NSD2: variants seen among roughly 807,000 people sequenced by gnomAD.
The protein encoded by NSD2 is histone-lysine N-methyltransferase NSD2.
In NSD2, 12 loss-of-function variants were observed where a neutral mutation model predicts 139.0. The observed-to-expected ratio is 0.09, with a 90% CI of 0.06 to 0.14. The LOEUF is 0.14. NSD2 is among the 10% of genes least tolerant of loss of function. NSD2 has a pLI of 1.00. For missense variants in NSD2, 1,155 were observed against 1,745.0 expected, an observed-to-expected ratio of 0.66 and a Z score of 6.02; for synonymous variants, 669 against 648.7, an observed-to-expected ratio of 1.03 and a Z score of -0.48.
intron 1 of NSD2, among the ~76,000 whole-genome samples, chr4:1,883,393 A>T (rs1283042166): frequency 1.3e-5 from 2 of 150,300 alleles, no homozygotes; most frequent in East Asian, 4.0e-4. Flanking sequence ...GCACTTTGGG[A>T]GGCTGAGGCA....
chr4:1,873,666 A>C (rs538706056), intron 1 of NSD2, among the ~76,000 whole-genome samples: 1 of 152,326 alleles, frequency 6.6e-6, no homozygotes, highest in Non-Finnish European at 1.5e-5. Flanking sequence ...AAAGTAATCA[A>C]ATCTTACAAA....
At chr4:1,883,674 C>T (rs533600548) in intron 1 of NSD2, among the ~76,000 whole-genome samples, 10 of 151,780 alleles carry the variant, frequency 6.6e-5, no homozygotes, top group Admixed American at 5.3e-4. Flanking sequence ...CTCTGCTGAT[C>T]CCACCTTGTT....
At chr4:1,872,587 TGTGTGAGAGAGAGAGAGA>T (rs1444918107) in intron 1 of NSD2, among the ~76,000 whole-genome samples, 11 of 50,086 alleles carry the variant, frequency 2.2e-4, no homozygotes, top group African/African-American at 5.9e-4. Flanking sequence ...TGTGTGTGTG[TGTGTGAGAGAGAGAGAGA>T]GAGAGAGAGA....
At chr4:1,883,263 G>A (rs1036178379) in intron 1 of NSD2, among the ~76,000 whole-genome samples, 2 of 152,088 alleles carry the variant, frequency 1.3e-5, no homozygotes, top group South Asian at 4.1e-4. Context: ...ATAAAAATTT[G>A]TGGACTTCCT....
At chr4:1,928,609 G>A (rs998284863) in intron 5 of NSD2, among the ~76,000 whole-genome samples, 22 of 150,592 alleles carry the variant, frequency 1.5e-4, no homozygotes, top group Admixed American at 3.9e-4. Flanking sequence ...CTTGTGAGGC[G>A]TGGTGGCTGT....
At chr4:1,964,276 G>A (rs1384316643) in intron 18 of NSD2, among the ~76,000 whole-genome samples, 1 of 152,182 alleles carries the variant, frequency 6.6e-6, no homozygotes, top group East Asian at 1.9e-4. Context: ...GAGTCATTGA[G>A]AGGATCCTGG....
intron 5 of NSD2, among the ~76,000 whole-genome samples, chr4:1,922,375 G>A (rs867605343): frequency 2.0e-5 from 3 of 152,166 alleles, no homozygotes; most frequent in South Asian, 4.1e-4. Flanking sequence ...TCAATATTAC[G>A]AAATATGCAT....
intron 6 of NSD2, 81 bp downstream of exon 6, chr4:1,930,851 T>C (rs1721549336): frequency 2.0e-6 from 3 of 1,493,282 alleles, no homozygotes; most frequent in Middle Eastern, 2.3e-4. Context: ...CTTGGAACCG[T>C]AGGGAAGTGT....
intron 18 of NSD2, among the ~76,000 whole-genome samples, chr4:1,963,278 G>GTT (rs1393978968): frequency 1.3e-5 from 2 of 152,074 alleles, no homozygotes; most frequent in Non-Finnish European, 2.9e-5. Context: ...AGGAGCTTGT[G>GTT]TTTTAACCCT....
At chr4:1,940,697 A>G in intron 9 of NSD2, 4 of 1,061,100 alleles carry the variant, frequency 3.8e-6, no homozygotes, top group Non-Finnish European at 4.6e-6. Flanking sequence ...TAGTGAGGCA[A>G]GGGTTGGACA....
In NSD2 at chr4:1,979,221, G is replaced by C. The variant is rs959414780; in HGVS notation, c.*312G>C. ...TCCCACTCTATTTTTTTAGGTTAAAGTTAATTGGCATATGGAATGTTTTAA... is the reference window on the plus strand; with the variant it reads ...TCCCACTCTATTTTTTTAGGTTAAACTTAATTGGCATATGGAATGTTTTAA... On this transcript the variant is annotated 3_prime_UTR_variant, in exon 22 of 22. Transcript: ENST00000508803. The C allele has an allele frequency of 9.3e-6, 3 of 322,156 alleles. No homozygotes were observed. The highest frequency in any genetic ancestry group is 6.3e-5 in the African/African-American group (3 of 47,524). 20.0% of individuals were successfully genotyped at this position (322,156 alleles called of 1,614,324 possible).
In NSD2 at chr4:1,981,467, G is replaced by A. The variant is rs941682775; in HGVS notation, c.*2558G>A. 20 of 241,416 alleles carry A rather than the reference G, an allele frequency of 8.3e-5. No homozygotes were observed. The highest frequency in any genetic ancestry group is 2.2e-4 in the African/African-American group (10 of 45,796). The allele number at this position is 241,416 out of a possible 1,614,324, so 15.0% of individuals were successfully genotyped here. A position where few individuals can be genotyped will look rare whatever the true frequency, so the allele number is the denominator to read the frequency against. ...TAATGTGAAGCAAAACACAAAAACC[G>A]CCCCAATCCCTCAGGATTCCTTGGC... On this transcript the variant is annotated 3_prime_UTR_variant, in exon 22 of 22. Coordinates refer to ENST00000508803, the MANE Select transcript of NSD2 (RefSeq NM_001042424.3).
chr4:1,878,249 A>G (rs549199410), intron 1 of NSD2, among the ~76,000 whole-genome samples: 2 of 34,930 alleles, frequency 5.7e-5, no homozygotes, highest in African/African-American at 2.8e-4. Context: ...ATATATATAT[A>G]TATTTTTTTT....
intron 18 of NSD2, among the ~76,000 whole-genome samples, chr4:1,969,655 C>T (rs1726241459): frequency 6.6e-6 from 1 of 152,194 alleles, no homozygotes; most frequent in South Asian, 2.1e-4. Context: ...GCGCAGTAAG[C>T]CAAGGTCCTG....
chr4:1,945,398 G>C, intron 9 of NSD2: 1 of 1,064,070 alleles, frequency 9.4e-7, no homozygotes, highest in Non-Finnish European at 1.1e-6. Flanking sequence ...TGGTGTGTGT[G>C]TCCAGAGGTG....
chr4:1,967,845 G>T (rs1006168211), intron 18 of NSD2, among the ~76,000 whole-genome samples: 1 of 152,180 alleles, frequency 6.6e-6, no homozygotes, highest in African/African-American at 2.4e-5. Flanking sequence ...TTGGATGAGG[G>T]GTCTGGCATC....
chr4:1,891,997 T>G (rs975127913), intron 1 of NSD2, among the ~76,000 whole-genome samples: 21 of 152,242 alleles, frequency 1.4e-4, no homozygotes, highest in African/African-American at 5.1e-4. Context: ...TGCTTTCTCT[T>G]TTCCTAGCAT....
chr4:1,945,840 C>T (rs1032338577), intron 9 of NSD2: 16 of 1,062,244 alleles, frequency 1.5e-5, no homozygotes, highest in Admixed American at 5.4e-5. Context: ...TGTCTGATAG[C>T]GGTAGATGAA....
At chr4:1,977,913 G>A (rs1234401088) in intron 21 of NSD2, among the ~76,000 whole-genome samples, 1 of 152,112 alleles carries the variant, frequency 6.6e-6, no homozygotes, top group Non-Finnish European at 1.5e-5. Context: ...GATCACTTGA[G>A]GTCAGGAATT....
Sources: allele counts gnomAD v4.1 joint callset (sites outside exome capture counted in the v4.1 genomes callset), GRCh38; gene constraint gnomAD v4.1.1; transcripts MANE v1.5; gene names NCBI Gene and HGNC (gene_info 2026-07-23, HGNC 2026-07-21).